FLRT2: variants seen among roughly 807,000 people sequenced by gnomAD.
FLRT2 encodes the protein fibronectin leucine rich transmembrane protein 2.
Under a neutral mutation model 40.0 loss-of-function variants are expected in FLRT2, and 15 were observed. The observed-to-expected ratio is 0.38, with a 90% CI of 0.25 to 0.58. The LOEUF is 0.58. Among genes scored for constraint, FLRT2 ranks in the 20% least tolerant of loss-of-function variants. The probability of loss-of-function intolerance (pLI) is 0.71; values close to 1 mark genes in which losing one functional copy is unlikely to be tolerated. For missense variants in FLRT2, 726 were observed against 840.0 expected (o/e 0.86, Z 1.68); for synonymous variants, 380 against 336.8 (o/e 1.13, Z -1.41).
rs375392583 is a variant in FLRT2 at position 85,621,492 on chromosome 14, T to G, written c.-23T>G. The G allele has an allele frequency of 2.6e-6, 4 of 1,555,620 alleles. No homozygotes were observed. The African/African-American group carries it at 4.2e-5, about 16-fold the overall frequency. On this transcript the variant is annotated 5_prime_UTR_variant, in exon 2 of 2. Coordinates refer to ENST00000330753, the MANE Select transcript of FLRT2 (RefSeq NM_013231.6). ...TCTTTTTCTTTTTCCCACCACATTG[T>G]ATTTTATTTCCGTACTTCAGAAATG... is the stretch of plus-strand genomic sequence containing the variant.
intron 1 of FLRT2, among the ~76,000 whole-genome samples, chr14:85,568,850 G>A (rs1017125282): frequency 6.6e-6 from 1 of 152,164 alleles, no homozygotes; most frequent in African/African-American, 2.4e-5. Flanking sequence ...GTTAACATAT[G>A]TGGTATGTAA....
intron 1 of FLRT2, among the ~76,000 whole-genome samples, chr14:85,570,736 C>T (rs189433823): frequency 6.6e-6 from 1 of 151,846 alleles, no homozygotes; most frequent in Non-Finnish European, 1.5e-5. Context: ...CACCCGCCAC[C>T]ATGCCTGGCT....
intron 1 of FLRT2, among the ~76,000 whole-genome samples, chr14:85,542,977 T>C (rs1463860711): frequency 6.6e-6 from 1 of 152,212 alleles, no homozygotes. Context: ...ACTTGACCTA[T>C]CTACCTGAAT....
chr14:85,554,081 C>A (rs1023003279), intron 1 of FLRT2, among the ~76,000 whole-genome samples: 34 of 152,216 alleles, frequency 2.2e-4, no homozygotes, highest in African/African-American at 7.9e-4. Flanking sequence ...AAGGGGAGAA[C>A]ATCTTATTTT....
chr14:85,561,173 T>C (rs1025185779), intron 1 of FLRT2: 3 of 152,206 alleles, frequency 2.0e-5, no homozygotes, highest in Non-Finnish European at 4.4e-5. Flanking sequence ...TGAATATGGC[T>C]TTTTAACGTC....
chr14:85,631,952 C>A lies in FLRT2; in HGVS notation c.*8455C>A, dbSNP rs1035727377. 2 of 151,950 alleles carry A rather than the reference C, an allele frequency of 1.3e-5. No individual in the cohort carries two copies. The highest frequency in any genetic ancestry group is 1.5e-5 in the Non-Finnish European group (1 of 68,088). 9.4% of individuals were successfully genotyped at this position (151,950 alleles called of 1,614,324 possible). A position where few individuals can be genotyped will look rare whatever the true frequency, so the allele number is the denominator to read the frequency against. On this transcript the variant is annotated 3_prime_UTR_variant, in exon 2 of 2. Transcript: ENST00000330753. ...GCAATTCTCCTGCCTCAGCCTCCTG[C>A]GTAGCTGGGACTACAGGCGTGCACC... is the stretch of plus-strand genomic sequence containing the variant.
At chr14:85,533,280 G>T (rs963710318) in intron 1 of FLRT2, among the ~76,000 whole-genome samples, 1 of 152,070 alleles carries the variant, frequency 6.6e-6, no homozygotes, top group African/African-American at 2.4e-5. Flanking sequence ...AAACATATCC[G>T]GGGGTGTCAG....
In FLRT2 at chr14:85,643,259, T is replaced by C. The variant is rs371960154; in HGVS notation, c.*19762T>C. On this transcript the variant is annotated 3_prime_UTR_variant, in exon 2 of 2. Transcript: ENST00000330753. ...TGATTCACTTTAATGTCTAAAAACA[T>C]CTCATGAGAGAGTTCAGAGGGTATT... 20 of 152,330 alleles carry C rather than the reference T, an allele frequency of 1.3e-4. 1 individual carries two copies. The East Asian group carries it at 2.7e-3, about 21-fold the overall frequency. 9.4% of individuals were successfully genotyped at this position (152,330 alleles called of 1,614,324 possible).
At chr14:85,618,991 T>G (rs1893262858) in intron 1 of FLRT2, among the ~76,000 whole-genome samples, 1 of 152,192 alleles carries the variant, frequency 6.6e-6, no homozygotes, top group Non-Finnish European at 1.5e-5. Context: ...AATTATTCTT[T>G]AAGTTTATAG....
rs961999748 is a variant in FLRT2, at chr14:85,653,185, G to A, written c.*29688G>A. On this transcript the variant is annotated 3_prime_UTR_variant, in exon 2 of 2. Transcript: ENST00000330753. ...TGATCTGCTTGAGGACTTGTACATA[G>A]ATAGGCTCAAGATATTTTGAGTCAC... 6.6e-6 allele frequency: 1 copy of A among 152,086 alleles called. No individual in the cohort carries two copies. Among genetic ancestry groups the A allele is most frequent in the African/African-American group, 2.4e-5 (1 of 41,394 alleles). The allele number at this position is 152,086 out of a possible 1,614,324, so 9.4% of individuals were successfully genotyped here.
chr14:85,566,284 T>A (rs979137938), intron 1 of FLRT2, among the ~76,000 whole-genome samples: 1 of 152,154 alleles, frequency 6.6e-6, no homozygotes, highest in Non-Finnish European at 1.5e-5. Flanking sequence ...CACACATGCG[T>A]GGGTCAGGGA....
intron 1 of FLRT2, among the ~76,000 whole-genome samples, chr14:85,605,475 T>G (rs1892563518): frequency 6.6e-6 from 1 of 152,122 alleles, no homozygotes; most frequent in Non-Finnish European, 1.5e-5. Context: ...TAAAGATATT[T>G]AATAATAACT....
chr14:85,619,632 T>C (rs1409138496), intron 1 of FLRT2, among the ~76,000 whole-genome samples: 1 of 152,226 alleles, frequency 6.6e-6, no homozygotes. Flanking sequence ...TTTCTAAAGA[T>C]AGCTAAGAGA....
chr14:85,571,948 C>A (rs372582055), intron 1 of FLRT2, among the ~76,000 whole-genome samples: 234 of 152,310 alleles, frequency 1.5e-3, no homozygotes, highest in African/African-American at 5.4e-3. Flanking sequence ...ACCTATGCAA[C>A]CCCAAATATT....
At chr14:85,540,203 T>C (rs1888906630) in intron 1 of FLRT2, among the ~76,000 whole-genome samples, 1 of 152,160 alleles carries the variant, frequency 6.6e-6, no homozygotes, top group Non-Finnish European at 1.5e-5. Flanking sequence ...AAAATTTTGT[T>C]TTGCAAAATA....
At chr14:85,574,097 A>G (rs1021136054) in intron 1 of FLRT2, among the ~76,000 whole-genome samples, 1 of 152,220 alleles carries the variant, frequency 6.6e-6, no homozygotes, top group Non-Finnish European at 1.5e-5. Flanking sequence ...ACCGTGAAGC[A>G]TACTAGTGAT....
intron 1 of FLRT2, among the ~76,000 whole-genome samples, chr14:85,618,595 G>C (rs971353644): frequency 2.6e-5 from 4 of 152,118 alleles, no homozygotes; most frequent in Non-Finnish European, 5.9e-5. Flanking sequence ...GCTCCACCCA[G>C]AAGATGTAAT....
chr14:85,599,716 C>CTCCTTTTCTTTCT (rs1892301811), intron 1 of FLRT2, among the ~76,000 whole-genome samples: 6 of 152,066 alleles, frequency 3.9e-5, no homozygotes, highest in Admixed American at 6.5e-5. Context: ...CCCGTCTTTC[C>CTCCTTTTCTTTCT]TTCTTTCCTC....
chr14:85,533,268 G>A (rs547258154), intron 1 of FLRT2, among the ~76,000 whole-genome samples: 97 of 143,492 alleles, frequency 6.8e-4, no homozygotes, highest in Non-Finnish European at 1.4e-3. Flanking sequence ...ATTCATTACT[G>A]TAAACATATC....
Sources: allele counts gnomAD v4.1 joint callset (sites outside exome capture counted in the v4.1 genomes callset), GRCh38; gene constraint gnomAD v4.1.1; transcripts MANE v1.5; gene names NCBI Gene and HGNC (gene_info 2026-07-23, HGNC 2026-07-21).